The following RBSN variants were observed in gnomAD, a reference collection of about 807,000 sequenced individuals.
RBSN encodes the protein rabenosyn, RAB effector, also known as rabenosyn-5.
In RBSN, 34 loss-of-function variants were observed where a neutral mutation model predicts 60.5. The observed-to-expected ratio is 0.56, with a 90% CI of 0.43 to 0.75. RBSN has a LOEUF of 0.75. Among genes scored for constraint, RBSN ranks in the 30% least tolerant of loss-of-function variants. RBSN has a pLI of 0.00. For synonymous variants in RBSN, 322 were observed against 366.9 expected (o/e 0.88, Z 1.40); for missense variants, 845 against 986.8 (o/e 0.86, Z 1.92).
rs1559339422 is a variant in RBSN at position 15,074,757 on chromosome 3, G to C, written c.1380C>G (p.Leu460=). ...QGQSEDSDPL[L]QQIHNITSFI... is the part of the protein sequence containing the mutation. ...ATGATGTGATGTTGTGGATCTGCTG[G>C]AGGAGCGGGTCTGAGTCCTCACTCT... The change falls in exon 14 of 14, where the codon CTC becomes CTG. Residue 460 remains leucine, a synonymous_variant. Transcript: ENST00000253699. The surrounding 1 kb of genome is among the most constrained non-coding windows in gnomAD (Gnocchi z 6.4). The C allele has an allele frequency of 3.1e-6, 5 of 1,614,244 alleles. No homozygotes were observed. The highest frequency in any genetic ancestry group is 4.2e-6 in the Non-Finnish European group (5 of 1,180,048).
At chr3:15,091,884 G>A (rs925943008) in intron 4 of RBSN, among the ~76,000 whole-genome samples, 6 of 152,168 alleles carry the variant, frequency 3.9e-5, no homozygotes, top group East Asian at 1.9e-4. Context: ...GGTGTGGGGC[G>A]GGAAGAATTC....
At chr3:15,075,814 A>T (rs1670161803) in intron 12 of RBSN, 104 bp from the exon 13 acceptor site, 1 of 871,842 alleles carries the variant, frequency 1.1e-6, no homozygotes, top group African/African-American at 1.7e-5. Flanking sequence ...CTCTGTTCTC[A>T]GAGAGTGACA....
chr3:15,098,455 T>TAAAAAAAA (rs1485723784), intron 1 of RBSN, among the ~76,000 whole-genome samples, 181 bp from the exon 2 acceptor site: 1 of 2,742 alleles, frequency 3.6e-4, no homozygotes, highest in African/African-American at 1.7e-3. Flanking sequence ...ACGTAAAAAG[T>TAAAAAAAA]AAAAAAAATA....
At chr3:15,097,388 G>A (rs1575112558) in intron 2 of RBSN, among the ~76,000 whole-genome samples, 1 of 152,142 alleles carries the variant, frequency 6.6e-6, no homozygotes. Flanking sequence ...GGTGGTAGGC[G>A]CCTGTAATCC....
At chr3:15,090,348 A>G (rs1407374008) in intron 5 of RBSN, 51 bp downstream of exon 5, 1 of 1,598,244 alleles carries the variant, frequency 6.3e-7, no homozygotes, top group Non-Finnish European at 8.6e-7. Flanking sequence ...TACCTAGAAC[A>G]TAGCAGATGC....
chr3:15,080,855 A>C, intron 9 of RBSN, 53 bp from the exon 10 acceptor site: 1 of 1,426,524 alleles, frequency 7.0e-7, no homozygotes, highest in Non-Finnish European at 9.9e-7. Context: ...AGAAACACCT[A>C]CCCAGAAGCT....
At chr3:15,097,688 A>T (rs911322977) in intron 2 of RBSN, among the ~76,000 whole-genome samples, 15 of 152,248 alleles carry the variant, frequency 9.9e-5, no homozygotes, top group South Asian at 2.1e-4. Context: ...ATTCCACAAA[A>T]GCAGAGAAAT....
rs1325071416 is a variant in RBSN, at chr3:15,075,641, C to CCTTCCT, written c.1165_1170dup (p.Arg389_Lys390dup). 3 of 1,614,194 alleles carry CCTTCCT rather than the reference C, an allele frequency of 1.9e-6. No individual in the cohort carries two copies. In the East Asian group the frequency reaches 6.7e-5, roughly 36 times the overall value. ...ACGGCCCTCTTCCTCTCCATTTCCT[C>CCTTCCT]CTTCCTTTTCTTTTTCAGTTCCTCA... On this transcript the variant is annotated inframe_insertion, in exon 13 of 14. Coordinates refer to ENST00000253699, the MANE Select transcript of RBSN (RefSeq NM_022340.4).
Position 15,074,654 on chromosome 3 carries a change from C to T in RBSN, c.1483G>A (p.Glu495Lys), listed in dbSNP as rs1173969945. ...LQENLRQLQD[E>K]YDQQQTEKAI... The stretch of plus-strand genomic sequence containing the variant: ...TTCTCTGTCTGCTGCTGGTCATACT[C>T]GTCCTGCAGCTGCCGCAGGTTCTCC... The change falls in exon 14 of 14, where the codon GAG becomes AAG. Residue 495 changes from glutamate to lysine, a missense_variant. By Grantham distance (56) the Glu-to-Lys change is moderately conservative. Coordinates refer to ENST00000253699, the MANE Select transcript of RBSN (RefSeq NM_022340.4). The surrounding 1 kb of genome is among the most constrained non-coding windows in gnomAD (Gnocchi z 6.4). 5.0e-6 allele frequency: 8 copies of T among 1,614,266 alleles called. No homozygotes were observed. The highest frequency in any genetic ancestry group is 6.8e-6 in the Non-Finnish European group (8 of 1,180,046).
rs2042976542 is a variant in RBSN, at chr3:15,073,836, C to A, written c.2301G>T (p.Glu767Asp). The A allele has an allele frequency of 6.2e-7, 1 of 1,613,504 alleles. No homozygotes were observed. ...GGGTGTGCTTCAGCTCCCGCAGATT[C>A]TCTGTCAGCACCTCTACCTCATCCA... ...GRLDEVEVLT[E>D]NLRELKHTLA... Residue 767 changes from glutamate (E) to aspartate (D), a missense_variant, in exon 14 of 14, where the codon GAG (glutamate) becomes GAT (aspartate). Physicochemically the swap from Glu to Asp is conservative, Grantham distance 45. Coordinates refer to ENST00000253699, the MANE Select transcript of RBSN (RefSeq NM_022340.4).
rs1337671008 is a variant in RBSN at position 15,074,697 on chromosome 3, A to C, written c.1440T>G (p.Asp480Glu). The C allele has an allele frequency of 6.2e-7, 1 of 1,614,106 alleles. No homozygotes were observed. Among genetic ancestry groups the C allele is most frequent in the Non-Finnish European group, 8.5e-7 (1 of 1,180,036 alleles). ...IRQAKAAGRMDEVRTLQENLR... is the reference protein window; with the variant it reads ...IRQAKAAGRMEEVRTLQENLR... ...GGTTCTCCTGCAGAGTGCGCACTTC[A>C]TCCATGCGGCCCGCGGCCTTGGCCT... Residue 480 changes from aspartate (D) to glutamate (E), a missense_variant, in exon 14 of 14, where the codon GAT becomes GAG. Coordinates refer to ENST00000253699, the MANE Select transcript of RBSN (RefSeq NM_022340.4). The surrounding 1 kb of genome is among the most constrained non-coding windows in gnomAD (Gnocchi z 6.4).
rs139851539 is a variant in RBSN at position 15,082,985 on chromosome 3, A to G, written c.599-377T>C. Among the ~76,000 whole-genome samples the G allele has an allele frequency of 2.0e-3, 310 of 152,236 alleles. 1 individual carries two copies. Among genetic ancestry groups the G allele is most frequent in the African/African-American group, 7.1e-3 (294 of 41,536 alleles). ...AGCCTTTTCCAATTCCCTGAGGCAAAAACTATCCATCCTTCCCATCAGTTC... is the reference window on the plus strand; with the variant it reads ...AGCCTTTTCCAATTCCCTGAGGCAAGAACTATCCATCCTTCCCATCAGTTC... On this transcript the variant is annotated intron_variant, in intron 8 of 13. Transcript: ENST00000253699. The surrounding 1 kb of genome is among the most constrained non-coding windows in gnomAD (Gnocchi z 4.2).
rs1382391193 is a variant in RBSN at position 15,071,268 on chromosome 3, G to T, written c.*2514C>A. 1.3e-5 allele frequency: 2 copies of T among 152,222 alleles called. No individual in the cohort carries two copies. Among genetic ancestry groups the T allele is most frequent in the Admixed American group, 6.5e-5 (1 of 15,272 alleles). 9.4% of individuals were successfully genotyped at this position (152,222 alleles called of 1,614,324 possible). On this transcript the variant is annotated 3_prime_UTR_variant, in exon 14 of 14. Coordinates refer to ENST00000253699, the MANE Select transcript of RBSN (RefSeq NM_022340.4). ...TCAAAATCACTAGCTAATTAAAAGA[G>T]AAATGTTCTCACAAGAAAAATAATT...
In RBSN at chr3:15,075,232, C is replaced by A. The variant is rs1034420768; in HGVS notation, c.1207-302G>T. 11 of 577,378 alleles carry A rather than the reference C, an allele frequency of 1.9e-5. No homozygotes were observed. In the African/African-American group the frequency reaches 2.0e-4, roughly 11 times the overall value. The allele number at this position is 577,378 out of a possible 1,614,324, so 35.8% of individuals were successfully genotyped here. On this transcript the variant is annotated intron_variant, in intron 13 of 13. Transcript: ENST00000253699. ...CTAAGGTCTGTTCCCCTCATCTACA[C>A]TGGAATCTCACGCAGCGTTAAATAC... is the stretch of plus-strand genomic sequence containing the variant.
intron 5 of RBSN, among the ~76,000 whole-genome samples, chr3:15,087,251 A>G (rs2043369225): frequency 1.3e-5 from 2 of 152,210 alleles, no homozygotes; most frequent in Non-Finnish European, 2.9e-5. Flanking sequence ...GCGGTGGCTC[A>G]TGCCTGTAAT....
intron 2 of RBSN, among the ~76,000 whole-genome samples, chr3:15,097,722 C>T (rs933133471): frequency 2.0e-5 from 3 of 152,030 alleles, no homozygotes; most frequent in African/African-American, 7.2e-5. Flanking sequence ...CCTGGGGATA[C>T]AAGCCACAGT....
intron 6 of RBSN, among the ~76,000 whole-genome samples, chr3:15,085,652 G>A (rs992269424): frequency 8.5e-5 from 13 of 152,176 alleles, no homozygotes; most frequent in African/African-American, 3.1e-4. Context: ...TAAGCATGTG[G>A]CAAGTTTGTC....
intron 5 of RBSN, among the ~76,000 whole-genome samples, chr3:15,089,194 A>G (rs2043428366): frequency 6.6e-6 from 1 of 152,168 alleles, no homozygotes; most frequent in Admixed American, 6.5e-5. Context: ...AGGCAGGCGT[A>G]GTGGCTCACA....
intron 10 of RBSN, among the ~76,000 whole-genome samples, chr3:15,078,825 CAT>C (rs2043133917): frequency 5.7e-5 from 3 of 52,202 alleles, no homozygotes; most frequent in Non-Finnish European, 1.1e-4. Flanking sequence ...TATATATATA[CAT>C]GGTTTTGTTT....
Sources: allele counts gnomAD v4.1 joint callset (sites outside exome capture counted in the v4.1 genomes callset), GRCh38; gene constraint gnomAD v4.1.1; non-coding constraint Gnocchi (gnomAD v3.1); transcripts MANE v1.5; gene names NCBI Gene and HGNC (gene_info 2026-07-23, HGNC 2026-07-21).